The following PDE7B variants were observed in gnomAD, a reference collection of about 807,000 sequenced individuals.
The protein encoded by PDE7B is 3',5'-cyclic-AMP phosphodiesterase 7B.
Under a neutral mutation model 56.2 loss-of-function variants are expected in PDE7B, and 29 were observed. That is an observed-to-expected ratio of 0.52 (90% CI 0.38 to 0.70). The LOEUF is 0.70. PDE7B is among the 30% of genes least tolerant of loss of function. The pLI is 0.00. For missense variants in PDE7B, 490 were observed against 565.0 expected (o/e 0.87, Z 1.35); for synonymous variants, 197 against 196.9 (o/e 1.00, Z 0.00).
chr6:136,120,965 C>G (rs1562498118), intron 3 of PDE7B, among the ~76,000 whole-genome samples: 4 of 152,162 alleles, frequency 2.6e-5, no homozygotes, highest in African/African-American at 9.7e-5. Context: ...GCAATGCACA[C>G]TGAAAAACAA....
In PDE7B at chr6:135,999,455, C is replaced by T. The variant is rs867584661; in HGVS notation, c.82+51931C>T. Among the ~76,000 whole-genome samples, 5 of 151,986 alleles carry T rather than the reference C, an allele frequency of 3.3e-5. No individual in the cohort carries two copies. The South Asian group carries it at 1.0e-3, about 32-fold the overall frequency. ...CAAGTAGGCCCCAGTGTCTGTTGTT[C>T]CCTTCTTTGAGTTCATGAGTTCTAT... is the stretch of plus-strand genomic sequence containing the variant. On this transcript the variant is annotated intron_variant, in intron 2 of 12. Transcript: ENST00000308191.
rs1015560204 is a variant in PDE7B, at chr6:136,168,737, A to G, written c.712-5060A>G. ...AGATGAGGGTTGAGAGTGAACAATG[A>G]GTTCTCCCCCAAGACGACCTAAATC... On this transcript the variant is annotated intron_variant, in intron 8 of 12. Transcript: ENST00000308191. Among the ~76,000 whole-genome samples the G allele has an allele frequency of 3.3e-5, 5 of 152,194 alleles. No individual in the cohort carries two copies. In the East Asian group the frequency reaches 9.6e-4, roughly 29 times the overall value.
intron 8 of PDE7B, among the ~76,000 whole-genome samples, chr6:136,167,623 G>A (rs954924321): frequency 3.9e-5 from 6 of 152,162 alleles, no homozygotes; most frequent in African/African-American, 7.2e-5. Context: ...GTCTTTATCA[G>A]TAGCATGAAA....
intron 1 of PDE7B, among the ~76,000 whole-genome samples, chr6:135,899,564 T>C (rs1775963476): frequency 1.3e-5 from 2 of 152,014 alleles, no homozygotes; most frequent in Admixed American, 1.3e-4. Flanking sequence ...AAGTGGCTTA[T>C]TAAAAATGTG....
chr6:136,157,714 C>CG (rs778931769), intron 8 of PDE7B, among the ~76,000 whole-genome samples: 1 of 151,644 alleles, frequency 6.6e-6, no homozygotes, highest in Non-Finnish European at 1.5e-5. Context: ...ATAGTTGCAG[C>CG]GGGAAAAAAA....
At chr6:136,064,736 CTTAA>C (rs1776904457) in intron 2 of PDE7B, 1 of 152,180 alleles carries the variant, frequency 6.6e-6, no homozygotes, top group Non-Finnish European at 1.5e-5. Flanking sequence ...TTGTCTTTAG[CTTAA>C]TTGTCACTCT....
chr6:136,086,165 T>C (rs1341873082), intron 2 of PDE7B, among the ~76,000 whole-genome samples: 1 of 152,190 alleles, frequency 6.6e-6, no homozygotes, highest in South Asian at 2.1e-4. Flanking sequence ...TTTTCTGTAG[T>C]TGGATTGCGT....
At chr6:135,969,137 G>A (rs1486212115) in intron 2 of PDE7B, among the ~76,000 whole-genome samples, 1 of 151,996 alleles carries the variant, frequency 6.6e-6, no homozygotes, top group Non-Finnish European at 1.5e-5. Flanking sequence ...GGCCTGTGGT[G>A]GATGGTGTGG....
intron 2 of PDE7B, among the ~76,000 whole-genome samples, chr6:135,989,124 G>A (rs890989800): frequency 2.0e-5 from 3 of 152,160 alleles, no homozygotes; most frequent in East Asian, 3.9e-4. Context: ...TAAGTTCTAT[G>A]TAATTAAACC....
intron 2 of PDE7B, among the ~76,000 whole-genome samples, chr6:136,011,249 G>GA (rs1164542521): frequency 6.6e-6 from 1 of 152,012 alleles, no homozygotes; most frequent in Non-Finnish European, 1.5e-5. Flanking sequence ...AGGGTATCAA[G>GA]AGAGCAGGGT....
intron 5 of PDE7B, 69 bp from the exon 6 acceptor site, chr6:136,151,088 AGGT>A: frequency 1.3e-6 from 1 of 788,256 alleles, no homozygotes; most frequent in Admixed American, 1.9e-5. Flanking sequence ...CAGAGACTTT[AGGT>A]CTTATTGTCA....
intron 2 of PDE7B, among the ~76,000 whole-genome samples, chr6:136,102,277 T>TG (rs1464068604): frequency 8.1e-6 from 1 of 124,152 alleles, no homozygotes; most frequent in Non-Finnish European, 1.7e-5. Context: ...AGGGGGTGGG[T>TG]GGGGGTTTGG....
At chr6:136,155,993 G>A (rs1019786974) in intron 8 of PDE7B, 16 of 637,256 alleles carry the variant, frequency 2.5e-5, no homozygotes, top group East Asian at 2.2e-4. Flanking sequence ...AGCTCATGTC[G>A]ATACAATTGT....
chr6:135,942,560 G>A (rs1774523338), intron 1 of PDE7B, among the ~76,000 whole-genome samples: 1 of 151,994 alleles, frequency 6.6e-6, no homozygotes, highest in African/African-American at 2.4e-5. Flanking sequence ...TACTATAGTT[G>A]CCGTGTTGTA....
chr6:136,098,434 T>C (rs978112498), intron 2 of PDE7B, among the ~76,000 whole-genome samples: 2 of 152,212 alleles, frequency 1.3e-5, no homozygotes, highest in East Asian at 3.8e-4. Flanking sequence ...TGATCATCAA[T>C]CTAGAAGAAG....
In PDE7B at chr6:136,032,358, A is replaced by G. The variant is rs116141738; in HGVS notation, c.83-76373A>G. Among the ~76,000 whole-genome samples, 821 of 152,346 alleles carry G rather than the reference A, an allele frequency of 5.4e-3. 10 individuals carry two copies. Among genetic ancestry groups the G allele is most frequent in the African/African-American group, 0.019 (779 of 41,576 alleles). On this transcript the variant is annotated intron_variant, in intron 2 of 12. Coordinates refer to ENST00000308191, the MANE Select transcript of PDE7B (RefSeq NM_018945.4). The stretch of plus-strand genomic sequence containing the variant: ...TATACAGCATTAACTAGGGCACTAA[A>G]TAATACATGGTAAAGATCATGCAGG...
chr6:136,128,106 C>T (rs1310734294), intron 3 of PDE7B, among the ~76,000 whole-genome samples: 2 of 152,160 alleles, frequency 1.3e-5, no homozygotes, highest in South Asian at 2.1e-4. Context: ...CTGAAAATGT[C>T]GGGCAGGTCT....
intron 1 of PDE7B, among the ~76,000 whole-genome samples, chr6:135,905,943 G>T (rs2128192743): frequency 6.6e-6 from 1 of 152,328 alleles, no homozygotes; most frequent in East Asian, 1.9e-4. Flanking sequence ...CTGTGCTGCG[G>T]TGACCCTGTA....
rs1779263071 is a variant in PDE7B, at chr6:136,193,518, A to T, written c.*1678A>T. 1 of 152,398 alleles carries T rather than the reference A, an allele frequency of 6.6e-6. No individual in the cohort carries two copies. The highest frequency in any genetic ancestry group is 2.4e-5 in the African/African-American group (1 of 41,574). The allele number at this position is 152,398 out of a possible 1,614,324, so 9.4% of individuals were successfully genotyped here. ...GGCCGTAAAATCAGTTTGTTACAGC[A>T]TTCTTCTCTAGGCTGCTAAACGCTG... On this transcript the variant is annotated 3_prime_UTR_variant, in exon 13 of 13. Transcript: ENST00000308191.
Sources: gnomAD v4.1 joint callset for allele counts (sites outside exome capture counted in the v4.1 genomes callset) on GRCh38, gnomAD v4.1.1 for gene constraint, MANE v1.5 for transcripts, NCBI Gene and HGNC (gene_info 2026-07-23, HGNC 2026-07-21) for gene names.